The following GPR158 variants were observed in gnomAD, a reference collection of about 807,000 sequenced individuals.
GPR158 encodes G protein-coupled receptor 158.
In GPR158, 30 loss-of-function variants were observed where a neutral mutation model predicts 78.2. The observed-to-expected ratio is 0.38, with a 90% CI of 0.29 to 0.52. The LOEUF (loss-of-function observed/expected upper bound fraction) is 0.52. Among genes scored for constraint, GPR158 ranks in the 20% least tolerant of loss-of-function variants. GPR158 has a pLI of 0.83. For missense variants in GPR158, 1,463 were observed against 1,523.5 expected, an observed-to-expected ratio of 0.96 and a Z score of 0.66; for synonymous variants, 581 against 591.1, an observed-to-expected ratio of 0.98 and a Z score of 0.25.
intron 4 of GPR158, among the ~76,000 whole-genome samples, chr10:25,439,106 G>T (rs1297681183): frequency 1.3e-5 from 2 of 152,130 alleles, no homozygotes; most frequent in Admixed American, 1.3e-4. Flanking sequence ...AAAAAGTCTT[G>T]TATTAGTCCA....
chr10:25,322,990 A>T (rs1361765075), intron 2 of GPR158, among the ~76,000 whole-genome samples: 1 of 151,882 alleles, frequency 6.6e-6, no homozygotes, highest in Non-Finnish European at 1.5e-5. Flanking sequence ...GGGACTACAG[A>T]TGCCCGCCAC....
intron 1 of GPR158, among the ~76,000 whole-genome samples, chr10:25,185,738 G>T (rs1376853754): frequency 1.3e-5 from 2 of 152,044 alleles, no homozygotes; most frequent in East Asian, 3.9e-4. Context: ...CAGGAGAATG[G>T]CGTGAACCCG....
chr10:25,506,454 T>A (rs1256517285), intron 5 of GPR158, among the ~76,000 whole-genome samples: 1 of 152,204 alleles, frequency 6.6e-6, no homozygotes, highest in Non-Finnish European at 1.5e-5. Context: ...AATAAGCATA[T>A]GAAAATATAA....
At chr10:25,370,682 G>T (rs1258968748) in intron 2 of GPR158, among the ~76,000 whole-genome samples, 2 of 150,316 alleles carry the variant, frequency 1.3e-5, no homozygotes, top group Non-Finnish European at 3.0e-5. Context: ...TGTCTATTAG[G>T]TCCGCTTGAT....
chr10:25,185,331 T>C (rs1852667165), intron 1 of GPR158, among the ~76,000 whole-genome samples: 1 of 152,230 alleles, frequency 6.6e-6, no homozygotes, highest in Non-Finnish European at 1.5e-5. Context: ...GATCATTGTA[T>C]ATATAGAACC....
intron 2 of GPR158, among the ~76,000 whole-genome samples, chr10:25,354,548 A>G (rs892585167): frequency 6.6e-6 from 1 of 152,094 alleles, no homozygotes; most frequent in Non-Finnish European, 1.5e-5. Flanking sequence ...TGTTTTTAAT[A>G]GATTTGCCTT....
intron 4 of GPR158, among the ~76,000 whole-genome samples, chr10:25,464,450 C>T (rs1249677581): frequency 6.6e-6 from 1 of 152,210 alleles, no homozygotes; most frequent in Non-Finnish European, 1.5e-5. Flanking sequence ...TCAAATTCAT[C>T]ATCCTGGTGC....
chr10:25,590,167 T>G (rs916309941), intron 8 of GPR158, among the ~76,000 whole-genome samples: 3 of 152,234 alleles, frequency 2.0e-5, no homozygotes, highest in Admixed American at 1.3e-4. Context: ...GATGTGATCT[T>G]GCATCTTTAG....
rs11014578 is a variant in GPR158, at chr10:25,492,022, G to A, written c.1404+25303G>A. On this transcript the variant is annotated intron_variant, in intron 5 of 10. Coordinates refer to ENST00000376351, the MANE Select transcript of GPR158 (RefSeq NM_020752.3). ...GCTCATGGTTCTGCAGGCTGTACAAGGAGCTTGGTGCCATCATCTGTTTCT... is the reference window on the plus strand; with the variant it reads ...GCTCATGGTTCTGCAGGCTGTACAAAGAGCTTGGTGCCATCATCTGTTTCT... Among the ~76,000 whole-genome samples, 6,887 of 152,228 alleles carry A rather than the reference G, an allele frequency of 0.045. 727 individuals are homozygous for A. The East Asian group carries it at 0.48, about 11-fold the overall frequency.
chr10:25,447,634 A>C (rs564913888), intron 4 of GPR158, among the ~76,000 whole-genome samples: 39 of 152,356 alleles, frequency 2.6e-4, no homozygotes, highest in African/African-American at 8.7e-4. Context: ...AATGGTAGAA[A>C]TAGCAGAAAG....
intron 2 of GPR158, among the ~76,000 whole-genome samples, chr10:25,371,371 CAA>C (rs1833989792): frequency 6.6e-6 from 1 of 151,542 alleles, no homozygotes. Flanking sequence ...CTGGTGGTGA[CAA>C]AATCTAAAGA....
intron 2 of GPR158, among the ~76,000 whole-genome samples, chr10:25,383,225 T>C (rs140302388): frequency 2.6e-4 from 40 of 152,344 alleles, no homozygotes; most frequent in African/African-American, 9.1e-4. Context: ...TTTTTAAAAA[T>C]CTAGAAGCCT....
chr10:25,338,552 A>G (rs945972038), intron 2 of GPR158, among the ~76,000 whole-genome samples: 2 of 129,920 alleles, frequency 1.5e-5, no homozygotes, highest in African/African-American at 2.6e-5. Flanking sequence ...TACGTAATAT[A>G]TAATACGTAT....
In GPR158 at chr10:25,276,906, AT is replaced by A. The variant is rs34448038; in HGVS notation, c.1008+55756del. 1.1e-4 allele frequency among the ~76,000 whole-genome samples: 16 copies of A among 151,724 alleles called. No individual in the cohort carries two copies. The East Asian group carries it at 3.1e-3, about 29-fold the overall frequency. On this transcript the variant is annotated intron_variant, in intron 2 of 10. Coordinates refer to ENST00000376351, the MANE Select transcript of GPR158 (RefSeq NM_020752.3). ...ACAGTGAAAGTTAGATCCTAGAGACATTTTTTTCCCACATCCAGAGTATTAC... is the reference window on the plus strand; with the variant it reads ...ACAGTGAAAGTTAGATCCTAGAGACATTTTTTCCCACATCCAGAGTATTAC...
chr10:25,527,666 A>G (rs1836367799), intron 5 of GPR158, among the ~76,000 whole-genome samples: 1 of 152,128 alleles, frequency 6.6e-6, no homozygotes, highest in Non-Finnish European at 1.5e-5. Flanking sequence ...ATCTAGAGAA[A>G]GAACAAATCA....
chr10:25,494,974 C>A (rs1835858319), intron 5 of GPR158, among the ~76,000 whole-genome samples: 2 of 152,054 alleles, frequency 1.3e-5, no homozygotes, highest in South Asian at 4.2e-4. Context: ...GTCCCATATT[C>A]CATTTATATG....
At position 25,550,898 on chromosome 10, in the gene GPR158, A is replaced by G. The variant is rs570364711; in HGVS notation, c.1405-78A>G. The stretch of plus-strand genomic sequence containing the variant: ...ATATCAAAATTCATATGTATGAAAC[A>G]TCAGGTTATGAGATATTGACTTGGG... On this transcript the variant is annotated intron_variant, in intron 5 of 10. Coordinates refer to ENST00000376351, the MANE Select transcript of GPR158 (RefSeq NM_020752.3). 42 of 771,520 alleles carry G rather than the reference A, an allele frequency of 5.4e-5. No individual in the cohort carries two copies. The African/African-American group carries it at 6.0e-4, about 11-fold the overall frequency. The allele number at this position is 771,520 out of a possible 1,614,324, so 47.8% of individuals were successfully genotyped here. A position where few individuals can be genotyped will look rare whatever the true frequency, so the allele number is the denominator to read the frequency against.
At chr10:25,437,866 C>T (rs757220273) in intron 4 of GPR158, among the ~76,000 whole-genome samples, 13 of 152,000 alleles carry the variant, frequency 8.6e-5, no homozygotes, top group East Asian at 7.7e-4. Flanking sequence ...TAGAGGAGCC[C>T]GAGGATTGAA....
At chr10:25,511,927 G>A (rs1836092000) in intron 5 of GPR158, among the ~76,000 whole-genome samples, 1 of 151,854 alleles carries the variant, frequency 6.6e-6, no homozygotes, top group Admixed American at 6.6e-5. Context: ...GTTGTTTTGG[G>A]GATTATGGCC....
Sources: allele counts gnomAD v4.1 joint callset (sites outside exome capture counted in the v4.1 genomes callset), GRCh38; gene constraint gnomAD v4.1.1; transcripts MANE v1.5; gene names NCBI Gene and HGNC (gene_info 2026-07-23, HGNC 2026-07-21).